The following ANKRD44 variants were observed in gnomAD, a reference collection of about 807,000 sequenced individuals.
The protein encoded by ANKRD44 is serine/threonine-protein phosphatase 6 regulatory ankyrin repeat subunit B.
In ANKRD44, 35 loss-of-function variants were observed where a neutral mutation model predicts 116.0. That is an observed-to-expected ratio of 0.30 (90% CI 0.23 to 0.40). ANKRD44 has a LOEUF of 0.40. ANKRD44 is among the 10% of genes least tolerant of loss of function. The probability of loss-of-function intolerance (pLI) is 1.00; values close to 1 mark genes in which losing one functional copy is unlikely to be tolerated. For missense variants in ANKRD44, 1,014 were observed against 1,242.6 expected (o/e 0.82, Z 2.77); for synonymous variants, 435 against 461.8 (o/e 0.94, Z 0.74).
intron 27 of ANKRD44, among the ~76,000 whole-genome samples, chr2:196,992,079 T>A (rs2075928463): frequency 6.6e-6 from 1 of 152,128 alleles, no homozygotes; most frequent in Admixed American, 6.5e-5. Context: ...GTAGATTAAG[T>A]CTTTGACTTG....
chr2:196,970,957 C>A (rs904060145), intron 21 of ANKRD44, among the ~76,000 whole-genome samples: 1 of 152,208 alleles, frequency 6.6e-6, no homozygotes, highest in Non-Finnish European at 1.5e-5. Flanking sequence ...CCCGCCTCGG[C>A]CTCCCAAAGT....
intron 2 of ANKRD44, among the ~76,000 whole-genome samples, chr2:197,152,243 T>C (rs188844186): frequency 5.9e-5 from 9 of 152,326 alleles, no homozygotes; most frequent in Admixed American, 5.2e-4. Flanking sequence ...TGATGACCAA[T>C]AGTTGAATAG....
At chr2:197,072,336 T>C (rs2077579009) in intron 16 of ANKRD44, among the ~76,000 whole-genome samples, 1 of 132,284 alleles carries the variant, frequency 7.6e-6, no homozygotes. Context: ...CACATATGTG[T>C]ATGTGTGTGT....
chr2:197,001,406 C>A (rs1427930262), intron 22 of ANKRD44, among the ~76,000 whole-genome samples: 1 of 152,144 alleles, frequency 6.6e-6, no homozygotes, highest in Admixed American at 6.5e-5. Flanking sequence ...CCTTTCTAAC[C>A]ATCTGTAGGC....
chr2:197,016,095 T>C lies in ANKRD44; in HGVS notation c.1723-2383A>G, dbSNP rs1396790013. On this transcript the variant is annotated intron_variant, in intron 17 of 27. Coordinates refer to ENST00000282272, the MANE Select transcript of ANKRD44 (RefSeq NM_001195144.2). ...AGAGCTGCAGGTTACTTTGAGACAA[T>C]TGTCCCAAATGCATTAGAGGAATGG... is the stretch of plus-strand genomic sequence containing the variant. 3 of 416,470 alleles carry C rather than the reference T, an allele frequency of 7.2e-6. No individual in the cohort carries two copies. The East Asian group carries it at 1.9e-4, about 26-fold the overall frequency. The allele number at this position is 416,470 out of a possible 1,614,324, so 25.8% of individuals were successfully genotyped here.
intron 1 of ANKRD44, among the ~76,000 whole-genome samples, chr2:197,238,462 G>A (rs1029894003): frequency 6.6e-6 from 1 of 152,154 alleles, no homozygotes; most frequent in Non-Finnish European, 1.5e-5. Context: ...AGGTGAATCT[G>A]GTTGTATCTT....
At chr2:197,267,447 C>T (rs973015596) in intron 1 of ANKRD44, among the ~76,000 whole-genome samples, 2 of 152,164 alleles carry the variant, frequency 1.3e-5, no homozygotes, top group African/African-American at 4.8e-5. Flanking sequence ...AGTAAGAGTA[C>T]CTGCCTCTGA....
intron 16 of ANKRD44, among the ~76,000 whole-genome samples, chr2:197,069,217 C>A (rs1435973403): frequency 6.6e-6 from 1 of 151,816 alleles, no homozygotes. Context: ...CCAAACACTG[C>A]ATGTTCTCAC....
intron 3 of ANKRD44, among the ~76,000 whole-genome samples, chr2:197,139,845 CTT>C (rs1401246385): frequency 3.3e-5 from 4 of 121,972 alleles, no homozygotes; most frequent in Middle Eastern, 4.3e-3. Context: ...GACTAAGCTG[CTT>C]TTGTGTGTGT....
intron 1 of ANKRD44, among the ~76,000 whole-genome samples, chr2:197,233,825 A>G (rs1662091135): frequency 6.6e-6 from 1 of 152,252 alleles, no homozygotes; most frequent in African/African-American, 2.4e-5. Flanking sequence ...AGGGATATCT[A>G]TGGACCATTT....
intron 1 of ANKRD44, among the ~76,000 whole-genome samples, chr2:197,254,396 CA>C (rs1429735178): frequency 1.4e-5 from 2 of 147,188 alleles, no homozygotes; most frequent in Non-Finnish European, 3.0e-5. Flanking sequence ...AAAACAACAA[CA>C]ACAAAAAAAA....
At chr2:196,993,554 TGCAGTC>T in intron 27 of ANKRD44, 23 bp downstream of exon 27, 1 of 1,521,136 alleles carries the variant, frequency 6.6e-7, no homozygotes, top group South Asian at 1.2e-5. Flanking sequence ...GGAAGGTACC[TGCAGTC>T]GCTGTTGACT....
intron 15 of ANKRD44, among the ~76,000 whole-genome samples, chr2:197,080,348 T>C (rs1244019117): frequency 2.0e-5 from 3 of 152,240 alleles, no homozygotes; most frequent in Non-Finnish European, 4.4e-5. Context: ...CAGAGCCTAG[T>C]AATTTTGGCA....
At chr2:197,260,672 C>T (rs533781227) in intron 1 of ANKRD44, among the ~76,000 whole-genome samples, 25 of 152,094 alleles carry the variant, frequency 1.6e-4, no homozygotes, top group South Asian at 1.2e-3. Context: ...ACTTCCACAA[C>T]GGTTGAACTA....
At chr2:197,247,110 C>A (rs181837712) in intron 1 of ANKRD44, among the ~76,000 whole-genome samples, 1 of 152,094 alleles carries the variant, frequency 6.6e-6, no homozygotes, top group African/African-American at 2.4e-5. Flanking sequence ...GGCTAATGAA[C>A]GAGCAGTCAG....
chr2:197,199,977 G>A (rs2081056874), intron 1 of ANKRD44, among the ~76,000 whole-genome samples: 1 of 152,156 alleles, frequency 6.6e-6, no homozygotes, highest in Non-Finnish European at 1.5e-5. Context: ...GCACAGAGAA[G>A]TGCTACCAGA....
chr2:197,119,806 C>A (rs1559078889), intron 8 of ANKRD44, among the ~76,000 whole-genome samples: 1 of 152,156 alleles, frequency 6.6e-6, no homozygotes, highest in Non-Finnish European at 1.5e-5. Flanking sequence ...AATAAAAGGT[C>A]TCCTAGCACA....
At chr2:197,307,912 G>A (rs920085484) in intron 1 of ANKRD44, among the ~76,000 whole-genome samples, 1 of 152,196 alleles carries the variant, frequency 6.6e-6, no homozygotes, top group Admixed American at 6.5e-5. Flanking sequence ...GCTCATGCCT[G>A]TAATCCCAGC....
intron 1 of ANKRD44, among the ~76,000 whole-genome samples, chr2:197,220,585 C>T (rs1013046409): frequency 2.0e-5 from 3 of 152,172 alleles, no homozygotes; most frequent in South Asian, 2.1e-4. Context: ...GGAGGCTCCA[C>T]AGCTAGACAA....
Sources: gnomAD v4.1 joint callset for allele counts (sites outside exome capture counted in the v4.1 genomes callset) on GRCh38, gnomAD v4.1.1 for gene constraint, MANE v1.5 for transcripts, NCBI Gene and HGNC (gene_info 2026-07-23, HGNC 2026-07-21) for gene names.